The following CIB4 variants were observed in gnomAD, a reference collection of about 807,000 sequenced individuals.
The protein encoded by CIB4 is calcium and integrin-binding family member 4.
A neutral mutation model predicts 25.8 loss-of-function variants in CIB4; 25 were observed. That is an observed-to-expected ratio of 0.97 (90% CI 0.71 to 1.35). CIB4 has a LOEUF of 1.35. CIB4 is among the 40% of genes most tolerant of loss of function. The pLI is 0.00. For missense variants in CIB4, 235 were observed against 228.2 expected, an observed-to-expected ratio of 1.03 and a Z score of -0.19; for synonymous variants, 75 against 81.4, an observed-to-expected ratio of 0.92 and a Z score of 0.42.
intron 3 of CIB4, among the ~76,000 whole-genome samples, chr2:26,612,244 C>T (rs954275725): frequency 6.6e-6 from 1 of 152,212 alleles, no homozygotes; most frequent in Admixed American, 6.5e-5. Flanking sequence ...CCTGTAAGGC[C>T]TGGCAGGAGA....
chr2:26,589,569 A>T (rs1206285333), intron 4 of CIB4, among the ~76,000 whole-genome samples: 2 of 152,074 alleles, frequency 1.3e-5, no homozygotes, highest in Non-Finnish European at 2.9e-5. Flanking sequence ...TGATCCACCC[A>T]CCTCAGCCTC....
chr2:26,589,066 CTCTTCCTCT>C (rs1558554893), intron 4 of CIB4, among the ~76,000 whole-genome samples: 515 of 46,314 alleles, frequency 0.011, 50 homozygotes, highest in Non-Finnish European at 0.017. Flanking sequence ...CTTCCTCTTC[CTCTTCCTCT>C]TCTTCTTCTT....
intron 3 of CIB4, chr2:26,605,561 C>T: frequency 2.1e-6 from 1 of 471,030 alleles, no homozygotes; most frequent in Non-Finnish European, 4.4e-6. Flanking sequence ...ATCTCACTGC[C>T]TAGGAGGAAT....
At chr2:26,624,711 G>T (rs1572567442) in intron 3 of CIB4, among the ~76,000 whole-genome samples, 1 of 118,106 alleles carries the variant, frequency 8.5e-6, no homozygotes, top group Middle Eastern at 6.2e-3. Context: ...AAAAAGTCTG[G>T]GACCAGGCTG....
At chr2:26,607,997 C>A (rs1273679337) in intron 3 of CIB4, among the ~76,000 whole-genome samples, 1 of 152,192 alleles carries the variant, frequency 6.6e-6, no homozygotes, top group African/African-American at 2.4e-5. Context: ...CAGCACTTTG[C>A]AAGGCTGAGA....
In CIB4 at chr2:26,588,978, T is replaced by TTTCTTCTTCTTCTTC. The variant is rs879474454; in HGVS notation, c.329-5095_329-5081dup. On this transcript the variant is annotated intron_variant, in intron 4 of 6. Transcript: ENST00000288861. ...CTGCTGCCGCTGCTGCCGCTTCTTC[T>TTTCTTCTTCTTCTTC]TTCTTCTTCTTCTTCTTCTTCTTCT... Among the ~76,000 whole-genome samples, 63 of 69,918 alleles carry TTTCTTCTTCTTCTTC rather than the reference T, an allele frequency of 9.0e-4. 2 individuals carry two copies. The highest frequency in any genetic ancestry group is 7.6e-3 in the Middle Eastern group (1 of 132). 45.9% of individuals were successfully genotyped at this position (69,918 alleles called of 152,430 possible).
intron 3 of CIB4, among the ~76,000 whole-genome samples, chr2:26,606,037 G>T (rs866531832): frequency 2.6e-5 from 4 of 152,222 alleles, no homozygotes; most frequent in Non-Finnish European, 5.9e-5. Flanking sequence ...CCAAGGGCAG[G>T]GGGGAGGCGC....
intron 3 of CIB4, among the ~76,000 whole-genome samples, chr2:26,601,021 A>G (rs1280004183): frequency 6.6e-6 from 1 of 151,866 alleles, no homozygotes; most frequent in African/African-American, 2.4e-5. Context: ...AGAGTCTGAG[A>G]CCAGACTAGG....
At chr2:26,640,664 C>A in intron 1 of CIB4, 97 bp from the exon 2 acceptor site, 5 of 1,307,548 alleles carry the variant, frequency 3.8e-6, no homozygotes, top group South Asian at 1.3e-5. Context: ...AGGAAATGCC[C>A]ATTCTTTTGC....
intron 4 of CIB4, among the ~76,000 whole-genome samples, chr2:26,588,084 G>A (rs574953372): frequency 9.2e-5 from 14 of 152,346 alleles, no homozygotes; most frequent in Non-Finnish European, 1.5e-4. Flanking sequence ...ACCTCCATGG[G>A]AAATGGCTCA....
At position 26,623,859 on chromosome 2, in the gene CIB4, G is replaced by A. The variant is rs115121073; in HGVS notation, c.186+5551C>T. On this transcript the variant is annotated intron_variant, in intron 3 of 6. Coordinates refer to ENST00000288861, the MANE Select transcript of CIB4 (RefSeq NM_001029881.3). The stretch of plus-strand genomic sequence containing the variant: ...TGGATGCAACTACAGCTCTGGGCTC[G>A]GAAACTAGAAACCCAAGTCACACCA... Among the ~76,000 whole-genome samples, 324 of 152,290 alleles carry A rather than the reference G, an allele frequency of 2.1e-3. 3 individuals carry two copies. The highest frequency in any genetic ancestry group is 7.2e-3 in the African/African-American group (299 of 41,568).
intron 2 of CIB4, among the ~76,000 whole-genome samples, chr2:26,632,129 C>T (rs940907652): frequency 1.3e-5 from 2 of 152,230 alleles, no homozygotes; most frequent in African/African-American, 2.4e-5. Context: ...TCTCTGAGCA[C>T]GCAGGCCCAG....
At chr2:26,640,598 C>T in intron 1 of CIB4, 31 bp from the exon 2 acceptor site, 1 of 1,608,070 alleles carries the variant, frequency 6.2e-7, no homozygotes, top group South Asian at 1.1e-5. Context: ...GCGACGTGTC[C>T]ACTCCATTCA....
chr2:26,584,721 C>T (rs929512475), intron 4 of CIB4, among the ~76,000 whole-genome samples: 1 of 152,192 alleles, frequency 6.6e-6, no homozygotes, highest in Non-Finnish European at 1.5e-5. Context: ...AGGCTCCTTA[C>T]ATTTCACATC....
chr2:26,590,506 C>T (rs910343777), intron 4 of CIB4, among the ~76,000 whole-genome samples: 1 of 152,046 alleles, frequency 6.6e-6, no homozygotes, highest in Non-Finnish European at 1.5e-5. Context: ...CACTGAGTTC[C>T]GTCTTTGGAC....
At chr2:26,622,770 G>A (rs1316617627) in intron 3 of CIB4, among the ~76,000 whole-genome samples, 1 of 152,040 alleles carries the variant, frequency 6.6e-6, no homozygotes, top group South Asian at 2.1e-4. Flanking sequence ...ATCACTTGAG[G>A]TCAGGAGTTC....
At chr2:26,608,900 C>A (rs1224835110) in intron 3 of CIB4, among the ~76,000 whole-genome samples, 9 of 152,158 alleles carry the variant, frequency 5.9e-5, no homozygotes, top group African/African-American at 2.2e-4. Flanking sequence ...GCTCTCTCGT[C>A]GCTCATGGTC....
In CIB4 at chr2:26,595,278, G is replaced by A; in HGVS notation, c.226C>T (p.His76Tyr). ...TCCTCAAAGGAGAACATGCCTTTGTGGGAGAACACTCTGCAGATACGGTCT... is the reference window on the plus strand; with the variant it reads ...TCCTCAAAGGAGAACATGCCTTTGTAGGAGAACACTCTGCAGATACGGTCT... Reference protein sequence around the residue: ...FRDRICRVFSHKGMFSFEDVL... With the variant: ...FRDRICRVFSYKGMFSFEDVL... Residue 76 changes from histidine (H) to tyrosine (Y), a missense_variant, in exon 4 of 7, where the codon CAC (histidine) becomes TAC (tyrosine). Transcript: ENST00000288861. 2 of 1,614,148 alleles carry A rather than the reference G, an allele frequency of 1.2e-6. No individual in the cohort carries two copies. The highest frequency in any genetic ancestry group is 1.7e-6 in the Non-Finnish European group (2 of 1,179,996).
rs186575449 is a variant in CIB4, at chr2:26,615,191, T to C, written c.186+14219A>G. Among the ~76,000 whole-genome samples, 9 of 152,252 alleles carry C rather than the reference T, an allele frequency of 5.9e-5. No individual in the cohort carries two copies. In the East Asian group the frequency reaches 1.5e-3, roughly 26 times the overall value. On this transcript the variant is annotated intron_variant, in intron 3 of 6. Transcript: ENST00000288861. ...TAACAGTCTGAATGCTACTTCCCAG[T>C]AAGATGTGGCAGGTAAGGAGTCAGG...
Sources: allele counts gnomAD v4.1 joint callset (sites outside exome capture counted in the v4.1 genomes callset), GRCh38; gene constraint gnomAD v4.1.1; transcripts MANE v1.5; gene names NCBI Gene and HGNC (gene_info 2026-07-23, HGNC 2026-07-21).